Variants in RFTN1 observed in about 807,000 individuals in gnomAD.
RFTN1 encodes the protein raftlin, lipid raft linker 1, also known as raftlin.
RFTN1 carries 26 observed loss-of-function variants against 46.5 expected under a neutral mutation model. The ratio of observed to expected loss-of-function variants is 0.56; its 90% CI spans 0.41 to 0.78. RFTN1 has a LOEUF of 0.78. Among genes scored for constraint, RFTN1 ranks in the 30% least tolerant of loss-of-function variants. The pLI is 0.00. For missense variants in RFTN1, 693 were observed against 718.7 expected (o/e 0.96, Z 0.41); for synonymous variants, 261 against 284.2 (o/e 0.92, Z 0.82).
At position 16,498,176 on chromosome 3, in the gene RFTN1, T is replaced by G. The variant is rs1864260; in HGVS notation, c.-8-4299A>C. On this transcript the variant is annotated intron_variant, in intron 1 of 9. Transcript: ENST00000334133. The surrounding 1 kb of genome is among the most constrained non-coding windows in gnomAD (Gnocchi z 5.2). ...AAACCAAATTTGGCTTGACGATGCC[T>G]CCATACTTGAGTCATTACATAACGA... is the stretch of plus-strand genomic sequence containing the variant. 2.0e-5 allele frequency among the ~76,000 whole-genome samples: 3 copies of G among 152,206 alleles called. No individual in the cohort carries two copies. Among genetic ancestry groups the G allele is most frequent in the Non-Finnish European group, 4.4e-5 (3 of 68,032 alleles).
In RFTN1 at chr3:16,457,475, A is replaced by T. The variant is rs1420680757; in HGVS notation, c.146-23438T>A. Reference sequence around the variant, plus strand: ...TAGTACTCAATAAATGCCGGTTATCATTATACCTTCTTTTACGATATACAA... The same window carrying T: ...TAGTACTCAATAAATGCCGGTTATCTTTATACCTTCTTTTACGATATACAA... On this transcript the variant is annotated intron_variant, in intron 2 of 9. Coordinates refer to ENST00000334133, the MANE Select transcript of RFTN1 (RefSeq NM_015150.2). This position sits in a 1 kb window ranked among gnomAD's most constrained non-coding sequence, Gnocchi z 4.2. 2.0e-5 allele frequency among the ~76,000 whole-genome samples: 3 copies of T among 152,252 alleles called. No individual in the cohort carries two copies.
intron 4 of RFTN1, among the ~76,000 whole-genome samples, chr3:16,393,195 A>G (rs1490945155): frequency 6.6e-6 from 1 of 152,200 alleles, no homozygotes; most frequent in East Asian, 1.9e-4. Flanking sequence ...ATACTAGGGT[A>G]GGGAGTGGCA....
At chr3:16,399,840 C>T (rs1361146411) in intron 4 of RFTN1, among the ~76,000 whole-genome samples, 2 of 152,324 alleles carry the variant, frequency 1.3e-5, no homozygotes, top group African/African-American at 2.4e-5. Context: ...TCCCTCTCCA[C>T]GGTGCCTCGT....
In RFTN1 at chr3:16,351,053, A is replaced by G; in HGVS notation, c.1146+6879T>C. 6.6e-6 allele frequency among the ~76,000 whole-genome samples: 1 copy of G among 152,202 alleles called. No individual in the cohort carries two copies. The highest frequency in any genetic ancestry group is 6.5e-5 in the Admixed American group (1 of 15,280). On this transcript the variant is annotated intron_variant, in intron 7 of 9. Transcript: ENST00000334133. This position sits in a 1 kb window ranked among gnomAD's most constrained non-coding sequence, Gnocchi z 5.4. ...CTTCATGAAGAACAAGTGAGACCTAATGTGTTATTACACAGGATTCACAGG... is the reference window on the plus strand; with the variant it reads ...CTTCATGAAGAACAAGTGAGACCTAGTGTGTTATTACACAGGATTCACAGG...
At chr3:16,396,788 C>T (rs909787901) in intron 4 of RFTN1, among the ~76,000 whole-genome samples, 1 of 152,108 alleles carries the variant, frequency 6.6e-6, no homozygotes, top group Non-Finnish European at 1.5e-5. Flanking sequence ...GAGGACTGAG[C>T]GCAGTGGCTC....
At position 16,326,879 on chromosome 3, in the gene RFTN1, G is replaced by C; in HGVS notation, c.1147-3C>G. 6.2e-7 allele frequency: 1 copy of C among 1,611,600 alleles called. No individual in the cohort carries two copies. Among genetic ancestry groups the C allele is most frequent in the East Asian group, 2.2e-5 (1 of 44,844 alleles). On this transcript the variant is annotated splice_polypyrimidine_tract_variant and splice_region_variant and intron_variant, in intron 7 of 9. Transcript: ENST00000334133. ...TAGTCTGTCTGCACTTCGACACCCT[G>C]GGGGAACAAGGCCAGCATTAGGGCT...
At chr3:16,470,765 CAG>C (rs2076180943) in intron 2 of RFTN1, among the ~76,000 whole-genome samples, 1 of 152,144 alleles carries the variant, frequency 6.6e-6, no homozygotes, top group Non-Finnish European at 1.5e-5. Context: ...TAACAGAATC[CAG>C]AGTCTCCACA....
At position 16,321,308 on chromosome 3, in the gene RFTN1, G is replaced by C. The variant is rs895420732; in HGVS notation, c.1332+2068C>G. On this transcript the variant is annotated intron_variant, in intron 9 of 9. Transcript: ENST00000334133. This position sits in a 1 kb window ranked among gnomAD's most constrained non-coding sequence, Gnocchi z 4.8. ...AGGAGATTTTCTAAGGAAGAGGCAA[G>C]AGTGAAGGGAGAAATGGGGCTGGGT... Among the ~76,000 whole-genome samples the C allele has an allele frequency of 1.3e-5, 2 of 152,186 alleles. No individual in the cohort carries two copies. Among genetic ancestry groups the C allele is most frequent in the Admixed American group, 6.5e-5 (1 of 15,280 alleles).
At chr3:16,417,890 T>A (rs545588630) in intron 3 of RFTN1, among the ~76,000 whole-genome samples, 6 of 152,172 alleles carry the variant, frequency 3.9e-5, no homozygotes, top group Admixed American at 2.6e-4. Flanking sequence ...ATATTTTTTA[T>A]AGAGACAGGG....
At position 16,334,495 on chromosome 3, in the gene RFTN1, A is replaced by T. The variant is rs142030808; in HGVS notation, c.1147-7619T>A. On this transcript the variant is annotated intron_variant, in intron 7 of 9. Transcript: ENST00000334133. This position sits in a 1 kb window ranked among gnomAD's most constrained non-coding sequence, Gnocchi z 4.3. The stretch of plus-strand genomic sequence containing the variant: ...CTGCAGTAGCAAGACACTGGAAACT[A>T]CTCAAGTGCCCATCAGTGCTGGATT... Among the ~76,000 whole-genome samples the T allele has an allele frequency of 1.3e-3, 202 of 152,316 alleles. No homozygotes were observed. The highest frequency in any genetic ancestry group is 4.7e-3 in the African/African-American group (195 of 41,564).
At chr3:16,340,975 C>T (rs2071279756) in intron 7 of RFTN1, among the ~76,000 whole-genome samples, 1 of 152,136 alleles carries the variant, frequency 6.6e-6, no homozygotes, top group Admixed American at 6.5e-5. Flanking sequence ...CAACAAACAA[C>T]CCAATTTAAA....
intron 6 of RFTN1, 125 bp from the exon 7 acceptor site, chr3:16,358,172 G>A (rs953699732): frequency 1.6e-5 from 10 of 636,196 alleles, no homozygotes; most frequent in Non-Finnish European, 2.5e-5. Flanking sequence ...TTTTCAGCAT[G>A]TTAATTAAAG....
chr3:16,504,942 T>C lies in RFTN1; in HGVS notation c.-9+8500A>G, dbSNP rs1186323454. Among the ~76,000 whole-genome samples the C allele has an allele frequency of 6.6e-6, 1 of 152,130 alleles. No individual in the cohort carries two copies. Among genetic ancestry groups the C allele is most frequent in the African/African-American group, 2.4e-5 (1 of 41,414 alleles). On this transcript the variant is annotated intron_variant, in intron 1 of 9. Transcript: ENST00000334133. The surrounding 1 kb of genome is among the most constrained non-coding windows in gnomAD (Gnocchi z 4.4). Reference sequence around the variant, plus strand: ...GGGTGGTACCACTGCCCTCCCAACATCCAGGCCCAAAACCCCAGTATCAGC... The same window carrying C: ...GGGTGGTACCACTGCCCTCCCAACACCCAGGCCCAAAACCCCAGTATCAGC...
intron 3 of RFTN1, among the ~76,000 whole-genome samples, chr3:16,432,387 G>A (rs1477066713): frequency 1.3e-5 from 2 of 152,256 alleles, no homozygotes; most frequent in South Asian, 2.1e-4. Flanking sequence ...GCATGGTGGC[G>A]TGCACCTGTA....
rs2124899706 is a variant in RFTN1 at position 16,448,677 on chromosome 3, T to C, written c.146-14640A>G. 6.6e-6 allele frequency among the ~76,000 whole-genome samples: 1 copy of C among 152,344 alleles called. No homozygotes were observed. Among genetic ancestry groups the C allele is most frequent in the South Asian group, 2.1e-4 (1 of 4,828 alleles). ...TAAATGCCTGCTCTTCAAGAATCTC[T>C]AGTAACACAATCACACTGCTTCTAA... On this transcript the variant is annotated intron_variant, in intron 2 of 9. Transcript: ENST00000334133. This position sits in a 1 kb window ranked among gnomAD's most constrained non-coding sequence, Gnocchi z 4.1.
In RFTN1 at chr3:16,376,034, G is replaced by T. The variant is rs2073756159; in HGVS notation, c.826+1684C>A. 6.6e-6 allele frequency among the ~76,000 whole-genome samples: 1 copy of T among 152,210 alleles called. No individual in the cohort carries two copies. Among genetic ancestry groups the T allele is most frequent in the African/African-American group, 2.4e-5 (1 of 41,438 alleles). ...ATAATCCTCTCACAGGAGGCAGGAA[G>T]TCTGGAAGGAGTATCGGAGGAAGGT... is the stretch of plus-strand genomic sequence containing the variant. On this transcript the variant is annotated intron_variant, in intron 5 of 9. Coordinates refer to ENST00000334133, the MANE Select transcript of RFTN1 (RefSeq NM_015150.2). The surrounding 1 kb of genome is among the most constrained non-coding windows in gnomAD (Gnocchi z 4.7).
chr3:16,372,701 A>C (rs2073567954), intron 5 of RFTN1, among the ~76,000 whole-genome samples: 1 of 152,242 alleles, frequency 6.6e-6, no homozygotes, highest in Admixed American at 6.5e-5. Context: ...GAAAAGGGGA[A>C]GGCCAAAGGA....
rs1167721685 is a variant in RFTN1, at chr3:16,500,700, C to T, written c.-8-6823G>A. ...CTGAATCAAACCTTAAGTGGGATGT[C>T]TCTTTGGTAAGCGGTGGATCAGCTT... On this transcript the variant is annotated intron_variant, in intron 1 of 9. Coordinates refer to ENST00000334133, the MANE Select transcript of RFTN1 (RefSeq NM_015150.2). The surrounding 1 kb of genome is among the most constrained non-coding windows in gnomAD (Gnocchi z 5.9). Among the ~76,000 whole-genome samples the T allele has an allele frequency of 6.6e-6, 1 of 152,338 alleles. No individual in the cohort carries two copies. The highest frequency in any genetic ancestry group is 1.9e-4 in the East Asian group (1 of 5,192).
At chr3:16,494,237 C>T (rs1335460346) in intron 1 of RFTN1, among the ~76,000 whole-genome samples, 4 of 152,120 alleles carry the variant, frequency 2.6e-5, no homozygotes, top group Non-Finnish European at 5.9e-5. Context: ...AAAAGCAATA[C>T]GGTGCATTAT....
Sources: allele counts gnomAD v4.1 joint callset (sites outside exome capture counted in the v4.1 genomes callset), GRCh38; gene constraint gnomAD v4.1.1; non-coding constraint Gnocchi (gnomAD v3.1); transcripts MANE v1.5; gene names NCBI Gene and HGNC (gene_info 2026-07-23, HGNC 2026-07-21).